Variants in CACNA2D3 observed in about 807,000 individuals in gnomAD.
The protein encoded by CACNA2D3 is voltage-dependent calcium channel subunit alpha-2/delta-3.
CACNA2D3 carries 60 observed loss-of-function variants against 160.6 expected under a neutral mutation model. That is an observed-to-expected ratio of 0.37 (90% CI 0.30 to 0.46). The LOEUF (loss-of-function observed/expected upper bound fraction) is 0.46. Among genes scored for constraint, CACNA2D3 ranks in the 20% least tolerant of loss-of-function variants. The pLI is 1.00. For missense variants in CACNA2D3, 1,205 were observed against 1,365.0 expected, an observed-to-expected ratio of 0.88 and a Z score of 1.85; for synonymous variants, 558 against 492.9, an observed-to-expected ratio of 1.13 and a Z score of -1.75.
intron 2 of CACNA2D3, among the ~76,000 whole-genome samples, chr3:54,252,100 G>GTTTTTTTTTTTT (rs548233026): frequency 0.057 from 6,859 of 120,482 alleles, 1,173 homozygotes; most frequent in African/African-American, 0.2. Context: ...TGCAGAGCTA[G>GTTTTTTTTTTTT]TTTTTTTTTT....
chr3:54,392,026 G>A (rs1363135170), intron 4 of CACNA2D3, among the ~76,000 whole-genome samples: 1 of 152,068 alleles, frequency 6.6e-6, no homozygotes, highest in Non-Finnish European at 1.5e-5. Context: ...AATTAACATA[G>A]GCTTTTCTTA....
chr3:54,899,329 T>G (rs1292086160), intron 26 of CACNA2D3, among the ~76,000 whole-genome samples: 1 of 152,230 alleles, frequency 6.6e-6, no homozygotes, highest in Non-Finnish European at 1.5e-5. Context: ...ATTACAATTT[T>G]ATAGATCAGT....
intron 2 of CACNA2D3, among the ~76,000 whole-genome samples, chr3:54,187,262 T>G (rs886363533): frequency 1.3e-5 from 2 of 152,202 alleles, no homozygotes; most frequent in Non-Finnish European, 1.5e-5. Flanking sequence ...CTGTCTTAGA[T>G]GTTAGCAAAT....
chr3:55,033,546 C>A (rs531102843), intron 35 of CACNA2D3, among the ~76,000 whole-genome samples: 2 of 141,130 alleles, frequency 1.4e-5, no homozygotes, highest in African/African-American at 2.6e-5. Context: ...TTATTTCACC[C>A]GATATGTCTG....
intron 9 of CACNA2D3, among the ~76,000 whole-genome samples, chr3:54,594,930 C>A (rs1348788774): frequency 1.3e-5 from 2 of 152,174 alleles, no homozygotes; most frequent in Non-Finnish European, 2.9e-5. Context: ...ATCATGAATA[C>A]TCATCTGAAG....
At chr3:54,724,919 A>G (rs929762747) in intron 11 of CACNA2D3, among the ~76,000 whole-genome samples, 2 of 152,242 alleles carry the variant, frequency 1.3e-5, no homozygotes, top group African/African-American at 4.8e-5. Context: ...TTAAGATCAG[A>G]GCAGAACTGA....
At chr3:54,990,427 A>C (rs1575424713) in intron 31 of CACNA2D3, among the ~76,000 whole-genome samples, 1 of 152,194 alleles carries the variant, frequency 6.6e-6, no homozygotes, top group East Asian at 1.9e-4. Flanking sequence ...GCTAATTGGG[A>C]GGCTGAGGCA....
chr3:54,502,785 G>T (rs2106944604), intron 4 of CACNA2D3, among the ~76,000 whole-genome samples: 1 of 152,300 alleles, frequency 6.6e-6, no homozygotes, highest in Admixed American at 6.5e-5. Context: ...AACATTGTTA[G>T]GAGAATCAGA....
chr3:54,457,745 C>G (rs1700425047), intron 4 of CACNA2D3, among the ~76,000 whole-genome samples: 1 of 151,914 alleles, frequency 6.6e-6, no homozygotes, highest in Non-Finnish European at 1.5e-5. Flanking sequence ...TGCACACAAC[C>G]ATATATACAT....
At chr3:54,347,942 A>G (rs747809680) in intron 3 of CACNA2D3, among the ~76,000 whole-genome samples, 3 of 152,236 alleles carry the variant, frequency 2.0e-5, no homozygotes, top group Non-Finnish European at 2.9e-5. Flanking sequence ...ATGTAATTGT[A>G]TAGGGCTATA....
chr3:54,756,834 C>T (rs529598938), intron 12 of CACNA2D3, among the ~76,000 whole-genome samples: 1 of 152,240 alleles, frequency 6.6e-6, no homozygotes, highest in East Asian at 1.9e-4. Context: ...ATTCGTACCC[C>T]TTGCAATAGT....
At chr3:54,827,603 G>A (rs573035429) in intron 14 of CACNA2D3, among the ~76,000 whole-genome samples, 6 of 152,220 alleles carry the variant, frequency 3.9e-5, no homozygotes, top group African/African-American at 1.2e-4. Flanking sequence ...CAGCTTCTCA[G>A]CACTTCCTTA....
intron 4 of CACNA2D3, among the ~76,000 whole-genome samples, chr3:54,473,161 C>G (rs1195741308): frequency 1.3e-5 from 2 of 152,158 alleles, no homozygotes; most frequent in Admixed American, 1.3e-4. Context: ...ACCAAAACAG[C>G]ATGGTACTGG....
At chr3:54,383,186 TTTTAA>T (rs1420312451) in intron 3 of CACNA2D3, among the ~76,000 whole-genome samples, 3 of 152,226 alleles carry the variant, frequency 2.0e-5, no homozygotes, top group African/African-American at 7.2e-5. Context: ...ATAACATTTC[TTTTAA>T]TTTGTTTACC....
At chr3:54,904,155 A>G (rs1459472002) in intron 27 of CACNA2D3, among the ~76,000 whole-genome samples, 4 of 152,186 alleles carry the variant, frequency 2.6e-5, no homozygotes, top group African/African-American at 9.6e-5. Flanking sequence ...CACACAAGAG[A>G]AGAGAAAGGG....
rs368633081 is a variant in CACNA2D3, at chr3:54,597,582, A to G, written c.963+15705A>G. ...AATACTAGATTTCTTGTCCTGCTAT[A>G]GTTTAAAATGGTCTTGAGGGTAAAA... On this transcript the variant is annotated intron_variant, in intron 9 of 37. Coordinates refer to ENST00000474759, the MANE Select transcript of CACNA2D3 (RefSeq NM_018398.3). Among the ~76,000 whole-genome samples, 25 of 152,292 alleles carry G rather than the reference A, an allele frequency of 1.6e-4. No individual in the cohort carries two copies. In the South Asian group the frequency reaches 3.9e-3, roughly 24 times the overall value.
At chr3:54,318,073 C>CCAT (rs1394413410) in intron 2 of CACNA2D3, among the ~76,000 whole-genome samples, 1 of 152,184 alleles carries the variant, frequency 6.6e-6, no homozygotes, top group Non-Finnish European at 1.5e-5. Flanking sequence ...ATCCTTCCTT[C>CCAT]CATCTTCCTT....
At chr3:54,951,559 C>A (rs1701757622) in intron 27 of CACNA2D3, among the ~76,000 whole-genome samples, 2 of 152,140 alleles carry the variant, frequency 1.3e-5, no homozygotes, top group Admixed American at 6.5e-5. Context: ...GAACAGACCC[C>A]TAGGGGGTGA....
intron 2 of CACNA2D3, among the ~76,000 whole-genome samples, chr3:54,188,118 C>T (rs955092303): frequency 2.0e-5 from 3 of 152,156 alleles, no homozygotes; most frequent in Admixed American, 1.3e-4. Flanking sequence ...AGCTGTGGAA[C>T]ATATGTACAC....
Sources: gnomAD v4.1 joint callset for allele counts (sites outside exome capture counted in the v4.1 genomes callset) on GRCh38, gnomAD v4.1.1 for gene constraint, MANE v1.5 for transcripts, NCBI Gene and HGNC (gene_info 2026-07-23, HGNC 2026-07-21) for gene names.